NCAM2: variants seen among roughly 807,000 people sequenced by gnomAD.
NCAM2 encodes the protein neural cell adhesion molecule 2.
In NCAM2, 30 loss-of-function variants were observed where a neutral mutation model predicts 98.1. That is an observed-to-expected ratio of 0.31 (90% confidence interval 0.23 to 0.41). NCAM2 has a LOEUF of 0.41. NCAM2 is among the 10% of genes least tolerant of loss of function. NCAM2 has a pLI of 1.00. For synonymous variants in NCAM2, 368 were observed against 342.4 expected (o/e 1.07, Z -0.83); for missense variants, 867 against 1,005.8 (o/e 0.86, Z 1.87).
At chr21:21,292,983 G>C (rs13050263) in intron 5 of NCAM2, among the ~76,000 whole-genome samples, 26,225 of 151,834 alleles carry the variant, frequency 0.17, 2,537 homozygotes, top group Middle Eastern at 0.3. Context: ...GTGAGAAAGA[G>C]TGAAGAAATG....
intron 12 of NCAM2, among the ~76,000 whole-genome samples, chr21:21,464,815 T>A (rs946890868): frequency 6.6e-6 from 1 of 152,106 alleles, no homozygotes; most frequent in African/African-American, 2.4e-5. Flanking sequence ...TAACTACCAG[T>A]TATCAAGTGG....
At chr21:21,186,687 C>T (rs2068650648) in intron 1 of NCAM2, among the ~76,000 whole-genome samples, 1 of 151,888 alleles carries the variant, frequency 6.6e-6, no homozygotes, top group African/African-American at 2.4e-5. Flanking sequence ...CTGAGTAGAT[C>T]CTATGCTTGT....
chr21:21,193,684 T>C (rs975820921), intron 1 of NCAM2, among the ~76,000 whole-genome samples: 10 of 151,854 alleles, frequency 6.6e-5, no homozygotes, highest in African/African-American at 2.4e-4. Flanking sequence ...TCAGAAGAGA[T>C]GGGGTTTCAC....
intron 15 of NCAM2, among the ~76,000 whole-genome samples, chr21:21,507,607 C>T (rs898641852): frequency 1.3e-5 from 2 of 151,846 alleles, no homozygotes; most frequent in Admixed American, 6.6e-5. Flanking sequence ...TCCTGGCTAA[C>T]ACGGTGAAAC....
intron 5 of NCAM2, among the ~76,000 whole-genome samples, chr21:21,306,732 C>T (rs766979255): frequency 5.3e-5 from 8 of 152,016 alleles, no homozygotes; most frequent in Non-Finnish European, 1.0e-4. Flanking sequence ...TTAAAATGTG[C>T]AATTGCATTG....
At chr21:21,226,299 A>T (rs1203224234) in intron 1 of NCAM2, among the ~76,000 whole-genome samples, 2 of 152,056 alleles carry the variant, frequency 1.3e-5, no homozygotes, top group South Asian at 4.1e-4. Flanking sequence ...ATACCCCCAA[A>T]TTTAAAATTA....
chr21:21,125,148 AT>A (rs1176900888), intron 1 of NCAM2, among the ~76,000 whole-genome samples: 1 of 151,640 alleles, frequency 6.6e-6, no homozygotes, highest in African/African-American at 2.4e-5. Flanking sequence ...ATTACTGTGC[AT>A]TTTTTGAATA....
chr21:21,113,097 A>G (rs980477411), intron 1 of NCAM2, among the ~76,000 whole-genome samples: 9 of 149,364 alleles, frequency 6.0e-5, no homozygotes, highest in African/African-American at 1.5e-4. Context: ...CAAAGTGACA[A>G]TATCCACCAG....
intron 1 of NCAM2, among the ~76,000 whole-genome samples, chr21:21,188,327 A>T (rs2068706495): frequency 6.6e-6 from 1 of 152,208 alleles, no homozygotes; most frequent in South Asian, 2.1e-4. Flanking sequence ...TCAGTAGTAT[A>T]TGGAAGTGAG....
At chr21:21,089,304 A>G (rs527660937) in intron 1 of NCAM2, among the ~76,000 whole-genome samples, 12 of 152,132 alleles carry the variant, frequency 7.9e-5, no homozygotes, top group African/African-American at 2.9e-4. Flanking sequence ...CATCGAAAAG[A>G]ATTTTGCTGT....
At chr21:21,029,135 A>G (rs988618158) in intron 1 of NCAM2, among the ~76,000 whole-genome samples, 1 of 152,242 alleles carries the variant, frequency 6.6e-6, no homozygotes, top group Non-Finnish European at 1.5e-5. Context: ...TGTTTTAAAA[A>G]ACATATAAAC....
chr21:21,174,531 A>G (rs568256313), intron 1 of NCAM2, among the ~76,000 whole-genome samples: 45 of 152,292 alleles, frequency 3.0e-4, no homozygotes, highest in African/African-American at 9.4e-4. Flanking sequence ...CCACATGACT[A>G]GTGCTGTCTA....
chr21:21,389,943 C>T (rs193002434), intron 9 of NCAM2, among the ~76,000 whole-genome samples: 24 of 152,166 alleles, frequency 1.6e-4, no homozygotes, highest in East Asian at 9.7e-4. Flanking sequence ...TCCACCTCTC[C>T]GGTTCAAGCT....
intron 1 of NCAM2, among the ~76,000 whole-genome samples, chr21:21,003,297 G>A (rs1026914563): frequency 2.0e-5 from 3 of 151,996 alleles, no homozygotes; most frequent in African/African-American, 4.8e-5. Flanking sequence ...TATAAGCATG[G>A]CAATCAAAAC....
chr21:21,422,432 T>G (rs1169066205), intron 11 of NCAM2, among the ~76,000 whole-genome samples: 1 of 152,132 alleles, frequency 6.6e-6, no homozygotes, highest in Non-Finnish European at 1.5e-5. Flanking sequence ...GAAAACCCCC[T>G]ACACCTATAA....
chr21:21,375,926 T>C (rs546679019), intron 9 of NCAM2, among the ~76,000 whole-genome samples: 6 of 151,974 alleles, frequency 3.9e-5, no homozygotes, highest in African/African-American at 9.6e-5. Flanking sequence ...ATAGGATTAG[T>C]ACTAAATGTC....
intron 1 of NCAM2, among the ~76,000 whole-genome samples, chr21:21,088,873 G>T (rs2065956316): frequency 1.3e-5 from 2 of 152,018 alleles, no homozygotes; most frequent in Non-Finnish European, 2.9e-5. Flanking sequence ...TCGGGAGGCT[G>T]AGGCAGGAGA....
At chr21:21,134,894 T>A (rs116874616) in intron 1 of NCAM2, among the ~76,000 whole-genome samples, 1,766 of 152,014 alleles carry the variant, frequency 0.012, 18 homozygotes, top group Middle Eastern at 0.02. Context: ...TTTATTTTTA[T>A]TTTTTTGTAC....
At chr21:21,003,461 C>A (rs1283467476) in intron 1 of NCAM2, among the ~76,000 whole-genome samples, 3 of 152,086 alleles carry the variant, frequency 2.0e-5, no homozygotes, top group Non-Finnish European at 2.9e-5. Flanking sequence ...GCAACTTATG[C>A]TCTTAGAACC....
Sources: allele counts gnomAD v4.1 joint callset (sites outside exome capture counted in the v4.1 genomes callset), GRCh38; gene constraint gnomAD v4.1.1; transcripts MANE v1.5; gene names NCBI Gene and HGNC (gene_info 2026-07-23, HGNC 2026-07-21).